INPP4B: variants seen among roughly 807,000 people sequenced by gnomAD.
The protein encoded by INPP4B is inositol polyphosphate 4-phosphatase type II.
INPP4B carries 55 observed loss-of-function variants against 122.5 expected under a neutral mutation model. The observed-to-expected ratio is 0.45, with a 90% CI of 0.36 to 0.56. INPP4B has a LOEUF of 0.56. Among genes scored for constraint, INPP4B ranks in the 20% least tolerant of loss-of-function variants. The pLI is 0.00. For missense variants in INPP4B, 1,000 were observed against 1,097.7 expected, an observed-to-expected ratio of 0.91 and a Z score of 1.26; for synonymous variants, 403 against 388.7, an observed-to-expected ratio of 1.04 and a Z score of -0.43.
At chr4:142,566,064 A>G (rs1178209846) in intron 2 of INPP4B, 1 of 151,954 alleles carries the variant, frequency 6.6e-6, no homozygotes. Context: ...ACGTACACTC[A>G]TATGTGTTAG....
chr4:142,142,928 G>T (rs1808612445), intron 18 of INPP4B, among the ~76,000 whole-genome samples: 1 of 151,980 alleles, frequency 6.6e-6, no homozygotes, highest in Non-Finnish European at 1.5e-5. Context: ...GGCCCTTAGA[G>T]ATCAACAGAT....
chr4:142,549,587 C>T (rs751948902), intron 2 of INPP4B, among the ~76,000 whole-genome samples: 1 of 152,076 alleles, frequency 6.6e-6, no homozygotes, highest in Non-Finnish European at 1.5e-5. Flanking sequence ...TTACCTTCTC[C>T]AGGGTGATCA....
chr4:142,420,917 C>A (rs2149308205), intron 5 of INPP4B, among the ~76,000 whole-genome samples: 2 of 152,206 alleles, frequency 1.3e-5, no homozygotes, highest in South Asian at 4.1e-4. Flanking sequence ...GTCATTTATT[C>A]AAGGAAGTAT....
intron 12 of INPP4B, among the ~76,000 whole-genome samples, chr4:142,227,329 C>T (rs1354911258): frequency 6.6e-6 from 1 of 152,098 alleles, no homozygotes; most frequent in Admixed American, 6.6e-5. Flanking sequence ...CAGGTGAATG[C>T]TGCTGGGATG....
chr4:142,202,021 G>A (rs1840821243), intron 14 of INPP4B, among the ~76,000 whole-genome samples: 1 of 151,732 alleles, frequency 6.6e-6, no homozygotes, highest in Non-Finnish European at 1.5e-5. Context: ...ACAAAATACA[G>A]TTTTTTTTCT....
intron 8 of INPP4B, among the ~76,000 whole-genome samples, chr4:142,309,085 G>A (rs746747599): frequency 2.6e-5 from 4 of 152,088 alleles, no homozygotes; most frequent in Non-Finnish European, 5.9e-5. Flanking sequence ...TTATTGCTAT[G>A]AGAAAATTAA....
intron 16 of INPP4B, 70 bp from the exon 17 acceptor site, chr4:142,160,631 A>C: frequency 1.7e-6 from 2 of 1,177,374 alleles, no homozygotes; most frequent in Non-Finnish European, 2.4e-6. Flanking sequence ...GAAAAGGTCA[A>C]TTGCAGATTT....
chr4:142,077,838 T>C (rs543027758), intron 25 of INPP4B, among the ~76,000 whole-genome samples: 1 of 152,144 alleles, frequency 6.6e-6, no homozygotes, highest in African/African-American at 2.4e-5. Context: ...CATAATGTCA[T>C]TAAAATCAAT....
At position 142,055,051 on chromosome 4, in the gene INPP4B, A is replaced by C. The variant is rs931387100; in HGVS notation, c.2643-26137T>G. On this transcript the variant is annotated intron_variant, in intron 25 of 25. Coordinates refer to ENST00000262992, the MANE Select transcript of INPP4B (RefSeq NM_001101669.3). ...CATGTGTGTATGTTAGACTCCACTT[A>C]CTTACTAGTTTGAAACTTCAAGATT... is the stretch of plus-strand genomic sequence containing the variant. 2.0e-5 allele frequency among the ~76,000 whole-genome samples: 3 copies of C among 152,130 alleles called. No homozygotes were observed. The East Asian group carries it at 5.8e-4, about 30-fold the overall frequency.
intron 23 of INPP4B, among the ~76,000 whole-genome samples, chr4:142,093,711 A>G (rs572239163): frequency 6.6e-6 from 1 of 152,180 alleles, no homozygotes; most frequent in African/African-American, 2.4e-5. Context: ...ATAAGAACAG[A>G]CAAAACTCCA....
intron 2 of INPP4B, among the ~76,000 whole-genome samples, chr4:142,537,441 G>C (rs371362220): frequency 1.2e-5 from 1 of 84,344 alleles, no homozygotes; most frequent in Admixed American, 1.4e-4. Flanking sequence ...GAGAGAGAGA[G>C]AGAGAGAGAG....
At chr4:142,682,645 G>T (rs1217160631) in intron 2 of INPP4B, among the ~76,000 whole-genome samples, 1 of 151,756 alleles carries the variant, frequency 6.6e-6, no homozygotes, top group African/African-American at 2.4e-5. Flanking sequence ...TTTCTCTATT[G>T]CATGAGAGCA....
At chr4:142,064,886 T>A (rs1050206138) in intron 25 of INPP4B, among the ~76,000 whole-genome samples, 1 of 152,114 alleles carries the variant, frequency 6.6e-6, no homozygotes, top group African/African-American at 2.4e-5. Context: ...ATATAATAAA[T>A]ATAATGGCAC....
At chr4:142,471,731 T>A (rs937568512) in intron 2 of INPP4B, among the ~76,000 whole-genome samples, 5 of 152,102 alleles carry the variant, frequency 3.3e-5, no homozygotes, top group Admixed American at 1.3e-4. Flanking sequence ...AGTGCTCGTG[T>A]GTATTTAGCT....
intron 17 of INPP4B, among the ~76,000 whole-genome samples, chr4:142,156,017 G>C (rs1355004972): frequency 6.7e-6 from 1 of 148,558 alleles, no homozygotes; most frequent in Non-Finnish European, 1.5e-5. Flanking sequence ...TGTTTGCCTA[G>C]CTTAAGAAAG....
In INPP4B at chr4:142,028,883, T is replaced by G. The variant is rs746976360; in HGVS notation, c.2674A>C (p.Asn892His). Reference sequence around the variant, plus strand: ...AAAGCATACTTTCTGCATTTGATATTCTTCAGTACATTCTCTATGCGGCAT... The same window carrying G: ...AAAGCATACTTTCTGCATTTGATATGCTTCAGTACATTCTCTATGCGGCAT... ...EGCRIENVLK[N>H]IKCRKYAFNM... Residue 892 changes from asparagine (N) to histidine (H), a missense_variant, in exon 26 of 26, where the codon AAT becomes CAT. Physicochemically the swap from Asn to His is moderately conservative, Grantham distance 68 (BLOSUM62 1). Coordinates refer to ENST00000262992, the MANE Select transcript of INPP4B (RefSeq NM_001101669.3). 1 of 1,613,464 alleles carries G rather than the reference T, an allele frequency of 6.2e-7. No individual in the cohort carries two copies. Among genetic ancestry groups the G allele is most frequent in the Non-Finnish European group, 8.5e-7 (1 of 1,179,614 alleles).
At chr4:142,821,479 T>C (rs1316909985) in intron 1 of INPP4B, among the ~76,000 whole-genome samples, 1 of 152,120 alleles carries the variant, frequency 6.6e-6, no homozygotes, top group Non-Finnish European at 1.5e-5. Context: ...ATAATATACA[T>C]TTTCTACATT....
At chr4:142,238,280 A>G (rs1231269095) in intron 11 of INPP4B, among the ~76,000 whole-genome samples, 1 of 151,984 alleles carries the variant, frequency 6.6e-6, no homozygotes, top group Non-Finnish European at 1.5e-5. Flanking sequence ...AAAAAAAATT[A>G]TACATCAAAC....
chr4:142,079,406 A>G (rs1441297202), intron 25 of INPP4B, among the ~76,000 whole-genome samples: 2 of 152,010 alleles, frequency 1.3e-5, no homozygotes, highest in African/African-American at 2.4e-5. Context: ...GACTTGCTAG[A>G]TGGCAGAGTG....
Sources: gnomAD v4.1 joint callset for allele counts (sites outside exome capture counted in the v4.1 genomes callset) on GRCh38, gnomAD v4.1.1 for gene constraint, MANE v1.5 for transcripts, NCBI Gene and HGNC (gene_info 2026-07-23, HGNC 2026-07-21) for gene names.